Variants in MAP4 observed in about 807,000 individuals in gnomAD.
MAP4 encodes the protein microtubule associated protein 4.
MAP4 carries 76 observed loss-of-function variants against 170.2 expected under a neutral mutation model. The ratio of observed to expected loss-of-function variants is 0.45; its 90% CI spans 0.37 to 0.54. MAP4 has a LOEUF of 0.54. Ranked by LOEUF, MAP4 falls within the 20% of genes least tolerant of loss-of-function variation. The pLI is 0.00. For missense variants in MAP4, 2,506 were observed against 2,748.0 expected, an observed-to-expected ratio of 0.91 and a Z score of 1.97; for synonymous variants, 909 against 994.5, an observed-to-expected ratio of 0.91 and a Z score of 1.62.
chr3:47,942,959 A>G (rs969231065), intron 3 of MAP4, among the ~76,000 whole-genome samples: 2 of 152,096 alleles, frequency 1.3e-5, no homozygotes, highest in African/African-American at 4.8e-5. Flanking sequence ...AAAAAAATTT[A>G]AAAAATTAGC....
At chr3:47,915,362 C>T (rs1354476272) in intron 7 of MAP4, among the ~76,000 whole-genome samples, 1 of 151,996 alleles carries the variant, frequency 6.6e-6, no homozygotes, top group African/African-American at 2.4e-5. Flanking sequence ...GTGATCCGCC[C>T]ACCTCGGCCG....
chr3:47,885,843 C>T (rs959397526), intron 10 of MAP4, among the ~76,000 whole-genome samples: 3 of 151,956 alleles, frequency 2.0e-5, no homozygotes, highest in Non-Finnish European at 4.4e-5. Flanking sequence ...ATTCTCCTGC[C>T]TCAGCCTCCC....
chr3:47,909,374 C>G lies in MAP4; in HGVS notation c.5047G>C (p.Glu1683Gln). The G allele has an allele frequency of 1.2e-6, 2 of 1,613,910 alleles. No individual in the cohort carries two copies. The highest frequency in any genetic ancestry group is 4.5e-5 in the East Asian group (2 of 44,886). The change falls in exon 9 of 21, where the codon GAA becomes CAA. Residue 1683 changes from glutamate to glutamine, a missense_variant. Glu to Gln is a conservative substitution (Grantham distance 29). Transcript: ENST00000683076. ...ISLACKITEL[E>Q]SVSLPTPEIQ... ...TCTGGTGTTGGCAAGGAAACGCTTT[C>G]CAATTCCGTGATTTTACAAGCCAGA...
chr3:47,953,056 T>C (rs1402775777), intron 3 of MAP4, among the ~76,000 whole-genome samples: 1 of 152,210 alleles, frequency 6.6e-6, no homozygotes, highest in African/African-American at 2.4e-5. Context: ...AATTAGTTCC[T>C]TGGGATCAAA....
At position 47,909,469 on chromosome 3, in the gene MAP4, C is replaced by T. The variant is rs905406214; in HGVS notation, c.4952G>A (p.Ser1651Asn). The T allele has an allele frequency of 3.1e-6, 5 of 1,613,874 alleles. No homozygotes were observed. The highest frequency in any genetic ancestry group is 4.2e-6 in the Non-Finnish European group (5 of 1,179,874). Reference sequence around the variant, plus strand: ...AGTCAGATCTACCTTCTTATTCAAACTATCTGAACCTTTGGAATTTCTATC... The same window carrying T: ...AGTCAGATCTACCTTCTTATTCAAATTATCTGAACCTTTGGAATTTCTATC... ...AQDRNSKGSD[S>N]LNKKVDLTLL... Residue 1651 changes from serine to asparagine, a missense_variant, in exon 9 of 21, where the codon AGT (serine) becomes AAT (asparagine). This residue lies in a region of MAP4 where 2,008 missense variants were observed against 2,206.0 expected (regional missense o/e 0.91). Coordinates refer to ENST00000683076, the MANE Select transcript of MAP4 (RefSeq NM_001385682.1).
At chr3:47,979,278 G>T (rs991385408) in intron 2 of MAP4, among the ~76,000 whole-genome samples, 1 of 151,612 alleles carries the variant, frequency 6.6e-6, no homozygotes, top group Non-Finnish European at 1.5e-5. Flanking sequence ...AGGTAATTAG[G>T]TAATTATTAC....
chr3:47,951,531 TG>T (rs2154102051), intron 3 of MAP4, among the ~76,000 whole-genome samples: 1 of 152,354 alleles, frequency 6.6e-6, no homozygotes, highest in East Asian at 1.9e-4. Context: ...CGTATTTTTT[TG>T]GTGGAGACAG....
intron 7 of MAP4, 113 bp from the exon 8 acceptor site, chr3:47,915,052 G>A (rs2100037996): frequency 7.8e-7 from 1 of 1,283,518 alleles, no homozygotes; most frequent in East Asian, 2.3e-5. Context: ...CCTACAAGGG[G>A]CAGCAAAGGA....
intron 10 of MAP4, chr3:47,891,398 GCTGT>G: frequency 6.5e-7 from 1 of 1,535,996 alleles, no homozygotes; most frequent in Non-Finnish European, 8.7e-7. Flanking sequence ...TTTGTAGCTA[GCTGT>G]CTGTTCCTCA....
intron 1 of MAP4, among the ~76,000 whole-genome samples, chr3:48,070,042 T>C (rs183043817): frequency 1.3e-5 from 2 of 152,268 alleles, no homozygotes; most frequent in East Asian, 1.9e-4. Flanking sequence ...GGCACGATCA[T>C]AGCTCACTGT....
chr3:48,041,086 A>T (rs914375047), intron 1 of MAP4, among the ~76,000 whole-genome samples: 3 of 151,010 alleles, frequency 2.0e-5, no homozygotes, highest in Admixed American at 2.0e-4. Flanking sequence ...AAAATAGCAT[A>T]AAAAAATACT....
At chr3:47,945,448 T>C (rs1033012591) in intron 3 of MAP4, among the ~76,000 whole-genome samples, 2 of 152,036 alleles carry the variant, frequency 1.3e-5, no homozygotes, top group African/African-American at 2.4e-5. Context: ...TTTAGTCCTT[T>C]GAGAACAAGG....
At chr3:48,008,082 C>A (rs766671305) in intron 1 of MAP4, among the ~76,000 whole-genome samples, 1 of 152,312 alleles carries the variant, frequency 6.6e-6, no homozygotes, top group South Asian at 2.1e-4. Context: ...TGCTTTCAGA[C>A]CCATCTAGCC....
At chr3:47,858,620 T>TTG (rs72034058) in intron 17 of MAP4, among the ~76,000 whole-genome samples, 8,810 of 143,032 alleles carry the variant, frequency 0.062, 299 homozygotes, top group Non-Finnish European at 0.077. Context: ...TGTGTGCGCG[T>TTG]TGTGTGTGTG....
At chr3:47,961,028 A>G (rs1192283594) in intron 3 of MAP4, 1 of 154,904 alleles carries the variant, frequency 6.5e-6, no homozygotes, top group Non-Finnish European at 1.5e-5. Flanking sequence ...TTGTTTCCTT[A>G]TCATTAAGGA....
chr3:47,921,673 T>C, intron 5 of MAP4, 92 bp downstream of exon 5: 1 of 690,922 alleles, frequency 1.4e-6, no homozygotes, highest in Non-Finnish European at 2.6e-6. Context: ...TGTTAATCTT[T>C]TGTCACAGAG....
chr3:48,053,568 T>C (rs2100129022), intron 1 of MAP4, among the ~76,000 whole-genome samples: 1 of 152,228 alleles, frequency 6.6e-6, no homozygotes, highest in African/African-American at 2.4e-5. Flanking sequence ...TCTAAATACC[T>C]ACCCAAATAC....
chr3:47,861,469 C>T (rs1209300558), intron 17 of MAP4, among the ~76,000 whole-genome samples: 1 of 151,414 alleles, frequency 6.6e-6, no homozygotes, highest in Non-Finnish European at 1.5e-5. Flanking sequence ...TCTCCTGCCT[C>T]AGCTTTCCAA....
chr3:48,070,602 G>A (rs1288586135), intron 1 of MAP4, among the ~76,000 whole-genome samples: 1 of 151,982 alleles, frequency 6.6e-6, no homozygotes, highest in Non-Finnish European at 1.5e-5. Context: ...GATTCCAGGT[G>A]TAAACCACTG....
Sources: allele counts gnomAD v4.1 joint callset (sites outside exome capture counted in the v4.1 genomes callset), GRCh38; gene constraint gnomAD v4.1.1; regional missense constraint gnomAD v4.1.1; transcripts MANE v1.5; gene names NCBI Gene and HGNC (gene_info 2026-07-23, HGNC 2026-07-21).